SRGAP3: variants seen among roughly 807,000 people sequenced by gnomAD.
SRGAP3 encodes the protein SLIT-ROBO Rho GTPase activating protein 3.
A neutral mutation model predicts 121.1 loss-of-function variants in SRGAP3; 39 were observed. That is an observed-to-expected ratio of 0.32 (90% CI 0.25 to 0.42). The LOEUF (loss-of-function observed/expected upper bound fraction) is 0.42, where lower values mean the gene tolerates loss of function less well. SRGAP3 is among the 10% of genes least tolerant of loss of function. The pLI is 1.00. For missense variants in SRGAP3, 1,213 were observed against 1,470.6 expected, an observed-to-expected ratio of 0.82 and a Z score of 2.86; for synonymous variants, 601 against 570.0, an observed-to-expected ratio of 1.05 and a Z score of -0.77.
At chr3:9,142,909 C>G (rs1210918369) in intron 1 of SRGAP3, among the ~76,000 whole-genome samples, 1 of 134,540 alleles carries the variant, frequency 7.4e-6, no homozygotes, top group African/African-American at 2.8e-5. Flanking sequence ...GTGATCTCGG[C>G]TCACTGCAGC....
intron 3 of SRGAP3, chr3:9,081,280 G>A (rs561917661): frequency 4.8e-5 from 22 of 456,626 alleles, no homozygotes; most frequent in African/African-American, 6.0e-5. Flanking sequence ...TGACACAGTC[G>A]CAAGTCCACA....
At chr3:9,345,785 C>CAAAAAAAAAAAA (rs34225108) in intron 1 of SRGAP3, among the ~76,000 whole-genome samples, 56 of 64,588 alleles carry the variant, frequency 8.7e-4, no homozygotes, top group Non-Finnish European at 1.1e-3. Context: ...GACTCCAACT[C>CAAAAAAAAAAAA]AAAAAAAAAA....
intron 1 of SRGAP3, among the ~76,000 whole-genome samples, chr3:9,211,115 A>G (rs1259950864): frequency 6.6e-6 from 1 of 152,196 alleles, no homozygotes; most frequent in Non-Finnish European, 1.5e-5. Flanking sequence ...ACACGTTTGA[A>G]CATTTTCTTA....
chr3:9,357,069 C>T (rs1008533020), intron 1 of SRGAP3, among the ~76,000 whole-genome samples: 4 of 151,932 alleles, frequency 2.6e-5, no homozygotes, highest in Non-Finnish European at 4.4e-5. Context: ...TCAAGACCAG[C>T]CTGGGCAACA....
rs139247222 is a variant in SRGAP3 at position 8,993,124 on chromosome 3, G to A, written c.2409-69C>T. On this transcript the variant is annotated intron_variant, in intron 19 of 21. Transcript: ENST00000383836. ...GAACCCAGCATATACAGAGCTCCCT[G>A]ATATGTGTCTGAGGGGCTGAATTAA... 48 of 1,602,898 alleles carry A rather than the reference G, an allele frequency of 3.0e-5. No homozygotes were observed. The African/African-American group carries it at 5.3e-4, about 18-fold the overall frequency.
chr3:9,086,811 A>ATGTATTT (rs1328163135), intron 3 of SRGAP3, among the ~76,000 whole-genome samples: 9 of 86,732 alleles, frequency 1.0e-4, no homozygotes, highest in African/African-American at 3.0e-4. Flanking sequence ...TACATATAAT[A>ATGTATTT]TACATATACA....
At chr3:9,023,718 T>G (rs756654186) in intron 14 of SRGAP3, among the ~76,000 whole-genome samples, 4 of 152,166 alleles carry the variant, frequency 2.6e-5, no homozygotes, top group Non-Finnish European at 5.9e-5. Context: ...TAGGGCTCAG[T>G]GCATGCTTGT....
At chr3:9,085,093 G>C (rs1199641466) in intron 3 of SRGAP3, among the ~76,000 whole-genome samples, 1 of 152,148 alleles carries the variant, frequency 6.6e-6, no homozygotes, top group African/African-American at 2.4e-5. Flanking sequence ...TTTATCATTT[G>C]CTTCCCTTGC....
intron 3 of SRGAP3, among the ~76,000 whole-genome samples, chr3:9,277,071 G>T (rs1419248157): frequency 6.6e-6 from 1 of 152,178 alleles, no homozygotes; most frequent in Non-Finnish European, 1.5e-5. Flanking sequence ...ATGGAGATAA[G>T]AATAATACCT....
At chr3:9,022,488 C>A (rs1169410565) in intron 14 of SRGAP3, among the ~76,000 whole-genome samples, 1 of 152,192 alleles carries the variant, frequency 6.6e-6, no homozygotes, top group Non-Finnish European at 1.5e-5. Context: ...ACCCCGTCGC[C>A]AGGGAAACAC....
At chr3:9,121,555 C>T (rs1949004538) in intron 2 of SRGAP3, among the ~76,000 whole-genome samples, 1 of 152,206 alleles carries the variant, frequency 6.6e-6, no homozygotes, top group South Asian at 2.1e-4. Context: ...CTGGCCTGGG[C>T]CGGCACCCTA....
At chr3:9,356,745 C>A (rs2030537666) in intron 1 of SRGAP3, among the ~76,000 whole-genome samples, 1 of 151,802 alleles carries the variant, frequency 6.6e-6, no homozygotes, top group African/African-American at 2.4e-5. Flanking sequence ...TGAGCTCAAG[C>A]AACCCACCTG....
At chr3:9,030,729 T>A (rs546201395) in intron 12 of SRGAP3, among the ~76,000 whole-genome samples, 1 of 152,316 alleles carries the variant, frequency 6.6e-6, no homozygotes, top group East Asian at 1.9e-4. Flanking sequence ...TCAAGTACTG[T>A]CAGATAAGAG....
chr3:9,288,430 T>C (rs2600153), intron 3 of SRGAP3, among the ~76,000 whole-genome samples: 102,687 of 151,516 alleles, frequency 0.68, 35,945 homozygotes, highest in Non-Finnish European at 0.77. Flanking sequence ...AGCCACCACA[T>C]CCAGCCTTGT....
intron 2 of SRGAP3, among the ~76,000 whole-genome samples, chr3:9,123,168 G>T (rs927610621): frequency 6.6e-6 from 1 of 152,134 alleles, no homozygotes; most frequent in Non-Finnish European, 1.5e-5. Context: ...GGTAGTTGCC[G>T]GCAGCTGGAA....
At chr3:9,247,473 G>A (rs1290558568) in intron 1 of SRGAP3, among the ~76,000 whole-genome samples, 3 of 151,574 alleles carry the variant, frequency 2.0e-5, no homozygotes, top group East Asian at 1.9e-4. Context: ...GGTGAGACTG[G>A]AAAAAAAACA....
chr3:9,158,203 T>A (rs1950486556), intron 1 of SRGAP3, among the ~76,000 whole-genome samples: 1 of 152,172 alleles, frequency 6.6e-6, no homozygotes, highest in Non-Finnish European at 1.5e-5. Flanking sequence ...TCCTGTCCGC[T>A]CAAACCTGGG....
At chr3:9,001,500 C>T (rs536408481) in intron 18 of SRGAP3, among the ~76,000 whole-genome samples, 13 of 151,848 alleles carry the variant, frequency 8.6e-5, no homozygotes, top group Admixed American at 3.9e-4. Flanking sequence ...CAAAAGAAAT[C>T]GGTAAAGAAG....
chr3:9,340,199 C>T (rs190927590), intron 1 of SRGAP3, among the ~76,000 whole-genome samples: 2 of 152,308 alleles, frequency 1.3e-5, no homozygotes, highest in Non-Finnish European at 2.9e-5. Flanking sequence ...GCTTCTACTG[C>T]TTCCTTTGTC....
Sources: gnomAD v4.1 joint callset for allele counts (sites outside exome capture counted in the v4.1 genomes callset) on GRCh38, gnomAD v4.1.1 for gene constraint, MANE v1.5 for transcripts, NCBI Gene and HGNC (gene_info 2026-07-23, HGNC 2026-07-21) for gene names.